The following AUTS2 variants were observed in gnomAD, a reference collection of about 807,000 sequenced individuals.
AUTS2 encodes activator of transcription and developmental regulator AUTS2, also known as autism susceptibility gene 2 protein.
In AUTS2, 17 loss-of-function variants were observed where a neutral mutation model predicts 112.4. That is an observed-to-expected ratio of 0.15 (90% CI 0.10 to 0.23). The LOEUF (loss-of-function observed/expected upper bound fraction) is 0.23, where lower values mean the gene tolerates loss of function less well. AUTS2 is among the 10% of genes least tolerant of loss of function. The pLI, the probability that AUTS2 is intolerant of heterozygous loss-of-function variation, is 1.00. For synonymous variants in AUTS2, 751 were observed against 702.7 expected (o/e 1.07, Z -1.09); for missense variants, 1,510 against 1,701.6 (o/e 0.89, Z 1.98).
chr7:69,824,977 C>T (rs554789040), intron 1 of AUTS2, among the ~76,000 whole-genome samples: 21 of 152,286 alleles, frequency 1.4e-4, no homozygotes, highest in African/African-American at 5.1e-4. Flanking sequence ...ACTTCGGTGG[C>T]TCCTGTTTAC....
intron 4 of AUTS2, among the ~76,000 whole-genome samples, chr7:70,299,124 T>A (rs1789081540): frequency 6.6e-6 from 1 of 152,262 alleles, no homozygotes; most frequent in Admixed American, 6.5e-5. Flanking sequence ...CATAATTAAC[T>A]CTTTTCCAAA....
chr7:70,136,756 C>T (rs905112477), intron 4 of AUTS2, among the ~76,000 whole-genome samples: 1 of 152,118 alleles, frequency 6.6e-6, no homozygotes, highest in Non-Finnish European at 1.5e-5. Context: ...GAGCTATTAG[C>T]GCAATTGAAC....
intron 4 of AUTS2, among the ~76,000 whole-genome samples, chr7:70,394,071 T>C (rs944355282): frequency 6.6e-6 from 1 of 152,246 alleles, no homozygotes; most frequent in African/African-American, 2.4e-5. Flanking sequence ...CCAGTTGTTT[T>C]GGAAGGCTGG....
chr7:69,785,862 C>T (rs1214562496), intron 1 of AUTS2, among the ~76,000 whole-genome samples: 3 of 152,102 alleles, frequency 2.0e-5, no homozygotes, highest in African/African-American at 7.2e-5. Context: ...TGAAATTTTA[C>T]TCTTGTTGCC....
chr7:70,063,638 T>C (rs1195242140), intron 2 of AUTS2, among the ~76,000 whole-genome samples: 1 of 152,210 alleles, frequency 6.6e-6, no homozygotes, highest in Non-Finnish European at 1.5e-5. Flanking sequence ...CTTAGATGTC[T>C]AACACAGCAG....
chr7:70,166,528 A>T (rs193068028), intron 4 of AUTS2, among the ~76,000 whole-genome samples: 86 of 152,288 alleles, frequency 5.6e-4, no homozygotes, highest in African/African-American at 2.0e-3. Flanking sequence ...TGTACAATAC[A>T]TGAAATAGTA....
intron 2 of AUTS2, among the ~76,000 whole-genome samples, chr7:70,054,928 C>G (rs1204835142): frequency 2.0e-5 from 3 of 152,098 alleles, no homozygotes. Context: ...TCCTCCTTAT[C>G]TCTTCCCCCT....
chr7:70,292,231 G>A lies in AUTS2; in HGVS notation c.661-143521G>A, dbSNP rs543112924. ...CATGGAGTCTCTGGTCAAATACTTT[G>A]GTTCTTATATAGCGGTTCATGTTCC... On this transcript the variant is annotated intron_variant, in intron 4 of 18. Coordinates refer to ENST00000342771, the MANE Select transcript of AUTS2 (RefSeq NM_015570.4). The A allele has an allele frequency of 2.0e-5, 3 of 152,282 alleles. No individual in the cohort carries two copies. The East Asian group carries it at 5.8e-4, about 29-fold the overall frequency. 9.4% of individuals were successfully genotyped at this position (152,282 alleles called of 1,614,324 possible).
rs145275286 is a variant in AUTS2, at chr7:69,931,438, C to T, written c.522+31940C>T. ...CTTTGGTTTGCTGTGAAAGAGCTGT[C>T]AGAGAATGAGCTCTTTATTGCTTAG... On this transcript the variant is annotated intron_variant, in intron 2 of 18. Coordinates refer to ENST00000342771, the MANE Select transcript of AUTS2 (RefSeq NM_015570.4). Among the ~76,000 whole-genome samples the T allele has an allele frequency of 6.6e-3, 999 of 152,310 alleles. 8 individuals are homozygous for T. The highest frequency in any genetic ancestry group is 0.027 in the Middle Eastern group (8 of 294).
chr7:69,635,560 A>AATG (rs1021547717), intron 1 of AUTS2, among the ~76,000 whole-genome samples: 4 of 152,188 alleles, frequency 2.6e-5, no homozygotes, highest in African/African-American at 7.2e-5. Context: ...CACCTGGATT[A>AATG]ATGTTCTGGG....
At chr7:69,952,964 G>C (rs1398611501) in intron 2 of AUTS2, among the ~76,000 whole-genome samples, 1 of 152,126 alleles carries the variant, frequency 6.6e-6, no homozygotes, top group Admixed American at 6.6e-5. Context: ...CACTGCATTA[G>C]ATGACAGGAA....
chr7:70,443,788 AC>A (rs1335086410), intron 5 of AUTS2, among the ~76,000 whole-genome samples: 1 of 152,168 alleles, frequency 6.6e-6, no homozygotes, highest in East Asian at 1.9e-4. Context: ...CTCTGATGGA[AC>A]TGTCACCATG....
At chr7:69,872,797 T>C (rs1444588698) in intron 1 of AUTS2, among the ~76,000 whole-genome samples, 1 of 151,236 alleles carries the variant, frequency 6.6e-6, no homozygotes, top group Non-Finnish European at 1.5e-5. Flanking sequence ...GGAAGTTGAC[T>C]TTCACATTTG....
At chr7:70,661,113 T>C (rs1807047994) in intron 5 of AUTS2, among the ~76,000 whole-genome samples, 1 of 151,642 alleles carries the variant, frequency 6.6e-6, no homozygotes, top group Non-Finnish European at 1.5e-5. Flanking sequence ...GAGCCGGCAT[T>C]TGAATGGAGA....
intron 4 of AUTS2, among the ~76,000 whole-genome samples, chr7:70,258,297 C>T (rs1786987543): frequency 6.6e-6 from 1 of 152,146 alleles, no homozygotes; most frequent in African/African-American, 2.4e-5. Flanking sequence ...GAACTGTGTT[C>T]ATAGGGGAAA....
At chr7:70,571,109 CA>C (rs1801919149) in intron 5 of AUTS2, among the ~76,000 whole-genome samples, 1 of 152,196 alleles carries the variant, frequency 6.6e-6, no homozygotes, top group African/African-American at 2.4e-5. Flanking sequence ...AATAAAAGCA[CA>C]ATGTTTGACA....
intron 1 of AUTS2, among the ~76,000 whole-genome samples, chr7:69,644,999 C>T (rs548982007): frequency 1.4e-3 from 216 of 151,996 alleles, no homozygotes; most frequent in Non-Finnish European, 2.0e-3. Flanking sequence ...GCCTCAAACT[C>T]CTGGGCTCAA....
chr7:69,861,033 C>T lies in AUTS2; in HGVS notation c.310-38253C>T, dbSNP rs182787479. Reference sequence around the variant, plus strand: ...GCCAACACAACACTGAAAACAAAGCCCACCTCACAGGCAATGCAGCTTCCT... The same window carrying T: ...GCCAACACAACACTGAAAACAAAGCTCACCTCACAGGCAATGCAGCTTCCT... On this transcript the variant is annotated intron_variant, in intron 1 of 18. Transcript: ENST00000342771. 1.4e-3 allele frequency among the ~76,000 whole-genome samples: 213 copies of T among 152,134 alleles called. 2 individuals are homozygous for T. The highest frequency in any genetic ancestry group is 4.9e-3 in the African/African-American group (204 of 41,504).
At chr7:70,425,171 A>G (rs192687123) in intron 4 of AUTS2, among the ~76,000 whole-genome samples, 1 of 152,332 alleles carries the variant, frequency 6.6e-6, no homozygotes. Flanking sequence ...TAGTGGTGGA[A>G]GGAAGAATGG....
Sources: allele counts gnomAD v4.1 joint callset (sites outside exome capture counted in the v4.1 genomes callset), GRCh38; gene constraint gnomAD v4.1.1; transcripts MANE v1.5; gene names NCBI Gene and HGNC (gene_info 2026-07-23, HGNC 2026-07-21).